The following MYLK variants were observed in gnomAD, a reference collection of about 807,000 sequenced individuals.
MYLK encodes myosin light chain kinase, smooth muscle.
In MYLK, 106 loss-of-function variants were observed where a neutral mutation model predicts 203.4. That is an observed-to-expected ratio of 0.52 (90% CI 0.45 to 0.61). The LOEUF is 0.61. MYLK is among the 20% of genes least tolerant of loss of function. MYLK has a pLI of 0.00. For missense variants in MYLK, 2,072 were observed against 2,442.3 expected (o/e 0.85, Z 3.20); for synonymous variants, 867 against 959.5 (o/e 0.90, Z 1.78).
At chr3:123,842,246 A>G (rs1033076024) in intron 2 of MYLK, among the ~76,000 whole-genome samples, 3 of 152,048 alleles carry the variant, frequency 2.0e-5, no homozygotes, top group East Asian at 1.9e-4. Context: ...GTAAATTAAT[A>G]TCAGACAAAA....
chr3:123,867,128 C>T (rs1415206906), intron 2 of MYLK, among the ~76,000 whole-genome samples: 1 of 152,042 alleles, frequency 6.6e-6, no homozygotes, highest in Non-Finnish European at 1.5e-5. Context: ...CAGCACTGGC[C>T]CCAGACAACT....
intron 31 of MYLK, chr3:123,625,101 C>G (rs2058071845): frequency 3.3e-5 from 5 of 152,558 alleles, no homozygotes; most frequent in Admixed American, 3.3e-4. Context: ...GGGTCCGGCT[C>G]CCACCTCTGT....
chr3:123,693,027 A>AC (rs1254445205), intron 18 of MYLK, among the ~76,000 whole-genome samples, 176 bp from the exon 19 acceptor site: 2 of 152,068 alleles, frequency 1.3e-5, no homozygotes, highest in Non-Finnish European at 2.9e-5. Context: ...TCTGCTTATA[A>AC]CCCATGTCCA....
intron 24 of MYLK, among the ~76,000 whole-genome samples, chr3:123,650,476 TGTGA>T (rs2059173484): frequency 6.6e-6 from 1 of 151,666 alleles, no homozygotes; most frequent in Non-Finnish European, 1.5e-5. Flanking sequence ...GGTGTACCGG[TGTGA>T]GTGTGAGTGT....
In MYLK at chr3:123,726,022, C is replaced by T; in HGVS notation, c.1573G>A (p.Val525Ile). The change falls in exon 12 of 34, where the codon GTT becomes ATT. Residue 525 changes from valine (V) to isoleucine (I), a missense_variant. Physicochemically the swap from Val to Ile is conservative, Grantham distance 29. This residue lies in a region of MYLK where 865 missense variants were observed against 1,016.0 expected (regional missense o/e 0.85). Transcript: ENST00000360304. ...SFSSVLKDCA[V>I]IEGQDFVLQC... ...AGCACAAAATCCTGGCCCTCAATAACAGCGCAGTCCTTCAGGACACTGGAG... is the reference window on the plus strand; with the variant it reads ...AGCACAAAATCCTGGCCCTCAATAATAGCGCAGTCCTTCAGGACACTGGAG... 1 of 1,614,220 alleles carries T rather than the reference C, an allele frequency of 6.2e-7. No individual in the cohort carries two copies. The highest frequency in any genetic ancestry group is 8.5e-7 in the Non-Finnish European group (1 of 1,180,030).
intron 20 of MYLK, among the ~76,000 whole-genome samples, chr3:123,674,464 C>T (rs1281691109): frequency 6.6e-6 from 1 of 152,340 alleles, no homozygotes; most frequent in Middle Eastern, 3.4e-3. Flanking sequence ...ACTCATCTTA[C>T]GAGGTCTTTG....
intron 5 of MYLK, among the ~76,000 whole-genome samples, chr3:123,749,689 C>T (rs1400053139): frequency 6.6e-6 from 1 of 152,200 alleles, no homozygotes; most frequent in Non-Finnish European, 1.5e-5. Flanking sequence ...TTTCTGGGTG[C>T]TACTTCCTAC....
chr3:123,853,234 T>C (rs552613140), intron 2 of MYLK, among the ~76,000 whole-genome samples: 1 of 152,104 alleles, frequency 6.6e-6, no homozygotes, highest in African/African-American at 2.4e-5. Flanking sequence ...CAAAACACCA[T>C]CAGCTTGGAC....
intron 4 of MYLK, among the ~76,000 whole-genome samples, chr3:123,753,123 G>A (rs1276017466): frequency 6.6e-6 from 1 of 152,164 alleles, no homozygotes; most frequent in Non-Finnish European, 1.5e-5. Context: ...TAGCGATGGA[G>A]CACTCAAAAT....
At chr3:123,822,849 A>G (rs1222227066) in intron 3 of MYLK, among the ~76,000 whole-genome samples, 2 of 152,158 alleles carry the variant, frequency 1.3e-5, no homozygotes, top group Non-Finnish European at 2.9e-5. Flanking sequence ...GTAGCTCCTC[A>G]GGAAACGTCA....
intron 3 of MYLK, among the ~76,000 whole-genome samples, chr3:123,804,882 T>A (rs542147690): frequency 4.9e-4 from 75 of 152,238 alleles, no homozygotes; most frequent in South Asian, 1.0e-3. Flanking sequence ...GGCGCTTCTG[T>A]GTGTGTCCTC....
intron 24 of MYLK, among the ~76,000 whole-genome samples, chr3:123,653,140 T>A (rs1052065009): frequency 6.6e-6 from 1 of 151,864 alleles, no homozygotes; most frequent in Non-Finnish European, 1.5e-5. Flanking sequence ...CTTCATGGAG[T>A]GTGGGTTAAT....
chr3:123,766,700 T>C (rs190018669), intron 4 of MYLK, among the ~76,000 whole-genome samples: 39 of 152,352 alleles, frequency 2.6e-4, no homozygotes, highest in Non-Finnish European at 5.1e-4. Context: ...CATAAACAGC[T>C]CTTGCTGAAC....
At chr3:123,703,100 C>T (rs375720554) in intron 16 of MYLK, among the ~76,000 whole-genome samples, 1 of 152,210 alleles carries the variant, frequency 6.6e-6, no homozygotes, top group South Asian at 2.1e-4. Flanking sequence ...GTTACATCCA[C>T]CTGGACAGGC....
intron 4 of MYLK, among the ~76,000 whole-genome samples, chr3:123,766,452 A>T (rs2063707123): frequency 6.6e-6 from 1 of 152,222 alleles, no homozygotes. Flanking sequence ...GGCTCCACAG[A>T]GGTGTTGCTG....
intron 11 of MYLK, among the ~76,000 whole-genome samples, chr3:123,731,051 G>A (rs1259732460): frequency 1.3e-5 from 2 of 152,256 alleles, no homozygotes; most frequent in East Asian, 3.9e-4. Context: ...GAAGCCACAG[G>A]AGAATCTAGG....
intron 33 of MYLK, chr3:123,616,568 C>G (rs570944949): frequency 6.6e-6 from 1 of 152,040 alleles, no homozygotes; most frequent in African/African-American, 2.4e-5. Context: ...AGCCCTGATA[C>G]GGTTTGGATA....
At chr3:123,845,527 G>C (rs1560285430) in intron 2 of MYLK, among the ~76,000 whole-genome samples, 1 of 152,168 alleles carries the variant, frequency 6.6e-6, no homozygotes, top group Non-Finnish European at 1.5e-5. Flanking sequence ...GTCTCACTCT[G>C]TTGCTCAGGT....
chr3:123,791,667 T>C (rs1041945781), intron 4 of MYLK, among the ~76,000 whole-genome samples: 3 of 152,236 alleles, frequency 2.0e-5, no homozygotes, highest in Non-Finnish European at 4.4e-5. Flanking sequence ...GTCTGACTCA[T>C]AAGGAACACA....
Sources: gnomAD v4.1 joint callset for allele counts (sites outside exome capture counted in the v4.1 genomes callset) on GRCh38, gnomAD v4.1.1 for gene constraint, gnomAD v4.1.1 regional missense constraint, MANE v1.5 for transcripts, NCBI Gene and HGNC (gene_info 2026-07-23, HGNC 2026-07-21) for gene names.